Variants in CHSY3 observed in about 807,000 individuals in gnomAD.
CHSY3 encodes the protein chondroitin sulfate synthase 3, also known as N-acetylgalactosaminyl-proteoglycan 3-beta-glucuronosyltransferase 3.
CHSY3 carries 35 observed loss-of-function variants against 67.2 expected under a neutral mutation model. The ratio of observed to expected loss-of-function variants is 0.52; its 90% CI spans 0.40 to 0.69. CHSY3 has a LOEUF of 0.69. CHSY3 is among the 30% of genes least tolerant of loss of function. CHSY3 has a pLI of 0.00. For missense variants in CHSY3, 1,069 were observed against 1,138.5 expected (o/e 0.94, Z 0.88); for synonymous variants, 474 against 434.7 (o/e 1.09, Z -1.12).
chr5:129,905,886 G>A, intron 1 of CHSY3: 2 of 776,666 alleles, frequency 2.6e-6, no homozygotes, highest in Non-Finnish European at 3.9e-6. Flanking sequence ...TTTCGGTGCC[G>A]CCTCGCGCTT....
chr5:129,930,363 C>T (rs1761259841), intron 2 of CHSY3, among the ~76,000 whole-genome samples: 1 of 149,356 alleles, frequency 6.7e-6, no homozygotes, highest in African/African-American at 2.5e-5. Flanking sequence ...ATCCCTTATT[C>T]TAAGCACATA....
intron 2 of CHSY3, among the ~76,000 whole-genome samples, chr5:130,130,877 T>G (rs906970199): frequency 2.0e-5 from 3 of 152,178 alleles, no homozygotes; most frequent in African/African-American, 7.2e-5. Context: ...TTTCCTGCTT[T>G]CCCTATGTCA....
intron 2 of CHSY3, among the ~76,000 whole-genome samples, chr5:130,094,330 T>G (rs1766978024): frequency 6.6e-6 from 1 of 152,200 alleles, no homozygotes; most frequent in Non-Finnish European, 1.5e-5. Flanking sequence ...GCCTAAATAG[T>G]TTTAAAGACC....
At chr5:130,089,341 G>T (rs1279996637) in intron 2 of CHSY3, among the ~76,000 whole-genome samples, 1 of 151,582 alleles carries the variant, frequency 6.6e-6, no homozygotes, top group Non-Finnish European at 1.5e-5. Context: ...CCTGCACATT[G>T]TGCACATGTA....
intron 2 of CHSY3, among the ~76,000 whole-genome samples, chr5:130,182,206 T>C (rs1770269751): frequency 6.6e-6 from 1 of 152,126 alleles, no homozygotes; most frequent in Non-Finnish European, 1.5e-5. Flanking sequence ...TCCATCACGT[T>C]ATCCCATAGT....
rs149283973 is a variant in CHSY3, at chr5:129,999,391, CTT to C, written c.1086+91033_1086+91034del. Reference sequence around the variant, plus strand: ...CTATGCCAATTAAAATATCTAAAAACTTTCCATCATATACTATCATGATAGTG... The same window carrying C: ...CTATGCCAATTAAAATATCTAAAAACTCCATCATATACTATCATGATAGTG... On this transcript the variant is annotated intron_variant, in intron 2 of 2. Transcript: ENST00000305031. Among the ~76,000 whole-genome samples, 1,441 of 152,168 alleles carry C rather than the reference CTT, an allele frequency of 9.5e-3. 21 individuals are homozygous for C. Among genetic ancestry groups the C allele is most frequent in the African/African-American group, 0.033 (1,351 of 41,532 alleles).
chr5:130,059,491 T>C (rs981904573), intron 2 of CHSY3, among the ~76,000 whole-genome samples: 1 of 151,622 alleles, frequency 6.6e-6, no homozygotes, highest in Admixed American at 6.6e-5. Flanking sequence ...TTTTCCATTG[T>C]TCTATTTCAC....
chr5:129,914,332 C>T (rs1052355950), intron 2 of CHSY3, among the ~76,000 whole-genome samples: 8 of 152,136 alleles, frequency 5.3e-5, no homozygotes, highest in African/African-American at 1.4e-4. Flanking sequence ...AGGATGGCCT[C>T]GAACTCCCAA....
rs1285066017 is a variant in CHSY3, at chr5:130,143,730, G to GTA, written c.1087-40498_1087-40497insAT. Among the ~76,000 whole-genome samples the GTA allele has an allele frequency of 3.0e-4, 31 of 104,522 alleles. 1 individual carries two copies. The highest frequency in any genetic ancestry group is 1.3e-3 in the African/African-American group (31 of 24,344). The allele number at this position is 104,522 out of a possible 152,430, so 68.6% of individuals were successfully genotyped here. ...AGGGTATATATATATATGTGTGTGT[G>GTA]TGTGTATATATATATATATATATAT... On this transcript the variant is annotated intron_variant, in intron 2 of 2. Transcript: ENST00000305031.
At chr5:130,010,736 A>T (rs1764030861) in intron 2 of CHSY3, among the ~76,000 whole-genome samples, 1 of 152,130 alleles carries the variant, frequency 6.6e-6, no homozygotes, top group African/African-American at 2.4e-5. Context: ...ATAGACCACT[A>T]GGTAGACAAA....
At chr5:129,970,568 T>C (rs986930962) in intron 2 of CHSY3, among the ~76,000 whole-genome samples, 1 of 151,918 alleles carries the variant, frequency 6.6e-6, no homozygotes, top group Non-Finnish European at 1.5e-5. Flanking sequence ...TGTAATCTTA[T>C]ATTTATCTAA....
At chr5:130,085,211 T>C (rs1766574827) in intron 2 of CHSY3, among the ~76,000 whole-genome samples, 1 of 152,020 alleles carries the variant, frequency 6.6e-6, no homozygotes. Context: ...CCCATAAATA[T>C]ATACAATTAT....
intron 2 of CHSY3, among the ~76,000 whole-genome samples, chr5:130,067,230 C>T (rs1765911135): frequency 1.3e-5 from 2 of 152,086 alleles, no homozygotes; most frequent in South Asian, 2.1e-4. Context: ...AGTTCTCTTC[C>T]TTGTATGTAC....
At chr5:129,946,761 C>G (rs971287035) in intron 2 of CHSY3, among the ~76,000 whole-genome samples, 3 of 152,120 alleles carry the variant, frequency 2.0e-5, no homozygotes, top group South Asian at 2.1e-4. Flanking sequence ...GGCAAGATAT[C>G]CCCCTTTTTT....
At chr5:129,963,016 C>T (rs921490850) in intron 2 of CHSY3, among the ~76,000 whole-genome samples, 1 of 151,788 alleles carries the variant, frequency 6.6e-6, no homozygotes, top group African/African-American at 2.4e-5. Flanking sequence ...CTGGGAGCCT[C>T]AAAGGTAGAT....
intron 2 of CHSY3, among the ~76,000 whole-genome samples, chr5:130,119,379 G>T (rs944748375): frequency 1.9e-4 from 29 of 152,148 alleles, no homozygotes; most frequent in Admixed American, 3.3e-4. Context: ...GGAATAAGAA[G>T]GGTGCCTGCT....
intron 2 of CHSY3, among the ~76,000 whole-genome samples, chr5:130,165,896 C>T (rs139930268): frequency 1.3e-5 from 2 of 152,090 alleles, no homozygotes; most frequent in Non-Finnish European, 2.9e-5. Context: ...TTGAGATTAG[C>T]CATACAATAT....
chr5:130,172,388 T>C (rs982803360), intron 2 of CHSY3, among the ~76,000 whole-genome samples: 1 of 149,202 alleles, frequency 6.7e-6, no homozygotes, highest in African/African-American at 2.5e-5. Context: ...TGGAGTGCAA[T>C]GGCACCATCT....
intron 2 of CHSY3, among the ~76,000 whole-genome samples, chr5:130,183,395 T>C (rs1561574134): frequency 7.0e-6 from 1 of 142,836 alleles, no homozygotes; most frequent in African/African-American, 2.6e-5. Flanking sequence ...TTTCACCTTA[T>C]CTTACCAAGA....
Sources: gnomAD v4.1 joint callset for allele counts (sites outside exome capture counted in the v4.1 genomes callset) on GRCh38, gnomAD v4.1.1 for gene constraint, MANE v1.5 for transcripts, NCBI Gene and HGNC (gene_info 2026-07-23, HGNC 2026-07-21) for gene names.